The following SLC9C1 variants were observed in gnomAD, a reference collection of about 807,000 sequenced individuals.
SLC9C1 encodes solute carrier family 9 member C1, also known as sodium/hydrogen exchanger 10.
Under a neutral mutation model 140.9 loss-of-function variants are expected in SLC9C1, and 97 were observed. The ratio of observed to expected loss-of-function variants is 0.69; its 90% CI spans 0.58 to 0.82. The LOEUF is 0.82. SLC9C1 is among the 40% of genes least tolerant of loss of function. The probability of loss-of-function intolerance (pLI) is 0.00; values close to 1 mark genes in which losing one functional copy is unlikely to be tolerated. For synonymous variants in SLC9C1, 440 were observed against 442.6 expected, an observed-to-expected ratio of 0.99 and a Z score of 0.07; for missense variants, 1,340 against 1,389.3, an observed-to-expected ratio of 0.96 and a Z score of 0.56.
intron 12 of SLC9C1, among the ~76,000 whole-genome samples, chr3:112,238,523 G>A (rs1031375393): frequency 6.6e-5 from 10 of 152,204 alleles, no homozygotes; most frequent in African/African-American, 2.2e-4. Flanking sequence ...TTTGGAGGAG[G>A]AGAGGTGCTC....
intron 6 of SLC9C1, among the ~76,000 whole-genome samples, chr3:112,271,298 A>G (rs2080065464): frequency 6.6e-6 from 1 of 151,640 alleles, no homozygotes; most frequent in African/African-American, 2.4e-5. Context: ...TTGGTATTTC[A>G]AAATAACTAA....
intron 23 of SLC9C1, among the ~76,000 whole-genome samples, chr3:112,172,848 A>G (rs1560028616): frequency 6.6e-6 from 1 of 151,982 alleles, no homozygotes; most frequent in Non-Finnish European, 1.5e-5. Context: ...ACAATGGTTG[A>G]TTTTCAAATG....
chr3:112,185,594 T>C, intron 20 of SLC9C1: 2 of 1,603,862 alleles, frequency 1.2e-6, no homozygotes, highest in Admixed American at 3.4e-5. Flanking sequence ...GTCCCAGGGC[T>C]CGCCCGAAGC....
At chr3:112,288,076 A>C (rs1429893974) in intron 1 of SLC9C1, among the ~76,000 whole-genome samples, 3 of 151,324 alleles carry the variant, frequency 2.0e-5, no homozygotes, top group African/African-American at 7.3e-5. Flanking sequence ...GAAAAGGAAA[A>C]GAAATTACAA....
At chr3:112,253,116 A>G (rs1455344444) in intron 10 of SLC9C1, among the ~76,000 whole-genome samples, 1 of 152,158 alleles carries the variant, frequency 6.6e-6, no homozygotes, top group African/African-American at 2.4e-5. Flanking sequence ...TCTCCTCACT[A>G]AGCTTGGGCC....
In SLC9C1 at chr3:112,280,781, A is replaced by T. The variant is rs778972288; in HGVS notation, c.91T>A (p.Phe31Ile). 1 of 1,609,966 alleles carries T rather than the reference A, an allele frequency of 6.2e-7. No homozygotes were observed. Among genetic ancestry groups the T allele is most frequent in the Non-Finnish European group, 8.5e-7 (1 of 1,178,976 alleles). The change falls in exon 3 of 29, where the codon TTT becomes ATT. Residue 31 changes from phenylalanine to isoleucine, a missense_variant and splice_region_variant. Physicochemically the swap from Phe to Ile is conservative, Grantham distance 21. Coordinates refer to ENST00000305815, the MANE Select transcript of SLC9C1 (RefSeq NM_183061.3). ...AAGTCTTCCAAGTGCCGGTTCAAAA[A>T]TGCTGCAAAAAATATGTTGTTACTG... The part of the protein sequence containing the change: ...TLSLISSIGA[F>I]LNRHLEDFPI...
At chr3:112,229,772 A>G (rs2078773810) in intron 13 of SLC9C1, among the ~76,000 whole-genome samples, 1 of 152,108 alleles carries the variant, frequency 6.6e-6, no homozygotes, top group South Asian at 2.1e-4. Flanking sequence ...TTACTTAGAT[A>G]GAGAAACAAA....
Position 112,155,056 on chromosome 3 carries a change from A to G in SLC9C1, c.3365-7T>C. 2 of 1,066,536 alleles carry G rather than the reference A, an allele frequency of 1.9e-6. No homozygotes were observed. The highest frequency in any genetic ancestry group is 1.3e-6 in the Non-Finnish European group (1 of 796,632). The allele number at this position is 1,066,536 out of a possible 1,614,324, so 66.1% of individuals were successfully genotyped here. A position where few individuals can be genotyped will look rare whatever the true frequency, so the allele number is the denominator to read the frequency against. ...TCCAATGTTCCAACTGAACCTGATT[A>G]AAAAAAAAAAAAACAGTGTTAATTC... On this transcript the variant is annotated splice_region_variant and splice_polypyrimidine_tract_variant and intron_variant, in intron 26 of 28. Coordinates refer to ENST00000305815, the MANE Select transcript of SLC9C1 (RefSeq NM_183061.3).
intron 8 of SLC9C1, 124 bp from the exon 9 acceptor site, chr3:112,264,467 C>T (rs2079864182): frequency 2.3e-6 from 1 of 441,602 alleles, no homozygotes; most frequent in Non-Finnish European, 3.6e-6. Context: ...CATTTACAAA[C>T]AACTTTGACT....
rs543429832 is a variant in SLC9C1, at chr3:112,182,661, G to A, written c.2524-403C>T. 5.3e-5 allele frequency among the ~76,000 whole-genome samples: 8 copies of A among 152,164 alleles called. No homozygotes were observed. In the South Asian group the frequency reaches 1.0e-3, roughly 20 times the overall value. Reference sequence around the variant, plus strand: ...GCAGATGTGAAAAAAAAGTGTACAAGTCATAAATGTTCACTCAAAGAATAT... The same window carrying A: ...GCAGATGTGAAAAAAAAGTGTACAAATCATAAATGTTCACTCAAAGAATAT... On this transcript the variant is annotated intron_variant, in intron 20 of 28. Coordinates refer to ENST00000305815, the MANE Select transcript of SLC9C1 (RefSeq NM_183061.3).
At position 112,141,955 on chromosome 3, in the gene SLC9C1, CA is replaced by C. The variant is rs2074638549; in HGVS notation, c.3525-675del. 2.0e-5 allele frequency among the ~76,000 whole-genome samples: 3 copies of C among 152,152 alleles called. No homozygotes were observed. The South Asian group carries it at 6.2e-4, about 32-fold the overall frequency. On this transcript the variant is annotated intron_variant, in intron 28 of 28. Coordinates refer to ENST00000305815, the MANE Select transcript of SLC9C1 (RefSeq NM_183061.3). ...ACAACCAACCCTTTTAATGGTTGCACAATATTTCCTCATATGGATGTTCTGT... is the reference window on the plus strand; with the variant it reads ...ACAACCAACCCTTTTAATGGTTGCACATATTTCCTCATATGGATGTTCTGT...
At chr3:112,284,885 TAATATTTTAAATTACTAA>T (rs58172568) in intron 2 of SLC9C1, among the ~76,000 whole-genome samples, 31,997 of 151,140 alleles carry the variant, frequency 0.21, 3,852 homozygotes, top group Middle Eastern at 0.32. Flanking sequence ...TCAATGTTTC[TAATATTTTAAATTACTAA>T]AATATTTTAA....
chr3:112,281,428 A>G (rs1385695614), intron 2 of SLC9C1, among the ~76,000 whole-genome samples: 1 of 152,144 alleles, frequency 6.6e-6, no homozygotes, highest in African/African-American at 2.4e-5. Flanking sequence ...ATAATGGGGA[A>G]GCTCTTGGCA....
At chr3:112,218,945 A>G (rs1269989271) in intron 14 of SLC9C1, among the ~76,000 whole-genome samples, 1 of 152,238 alleles carries the variant, frequency 6.6e-6, no homozygotes, top group African/African-American at 2.4e-5. Context: ...TTTGAATCCC[A>G]ACTCTGTAAT....
At chr3:112,169,431 A>C (rs973558102) in intron 23 of SLC9C1, 103 bp from the exon 24 acceptor site, 1 of 1,099,382 alleles carries the variant, frequency 9.1e-7, no homozygotes, top group Non-Finnish European at 1.2e-6. Context: ...TAATTTAATT[A>C]GGTAAGATTC....
rs138304092 is a variant in SLC9C1 at position 112,230,199 on chromosome 3, T to C, written c.1572+1162A>G. 1.0e-3 allele frequency among the ~76,000 whole-genome samples: 153 copies of C among 152,258 alleles called. 3 individuals carry two copies. The East Asian group carries it at 0.013, about 13-fold the overall frequency. On this transcript the variant is annotated intron_variant, in intron 13 of 28. Transcript: ENST00000305815. The stretch of plus-strand genomic sequence containing the variant: ...CTCTATCCTGTTCCATTGTTTTATA[T>C]TGACTGACAATTTTTTCCTCTCATT...
At chr3:112,166,855 A>G (rs1347390666) in intron 26 of SLC9C1, among the ~76,000 whole-genome samples, 1 of 152,174 alleles carries the variant, frequency 6.6e-6, no homozygotes, top group Admixed American at 6.5e-5. Context: ...TAGGCTTTAT[A>G]TCAAAATTAT....
Position 112,264,323 on chromosome 3 carries a change from C to T in SLC9C1, c.899G>A (p.Arg300His), listed in dbSNP as rs201401597. Reference protein sequence around the residue: ...LLLEFWTFLSRIAFLMVFTFF... With the variant: ...LLLEFWTFLSHIAFLMVFTFF... ...AGTAAACACCATGAGAAAAGCAATA[C>T]GTGATAGAAAAGTCCAGAATCTGCA... The change falls in exon 9 of 29, where the codon CGT (arginine) becomes CAT (histidine). Residue 300 changes from arginine (R) to histidine (H), a missense_variant. Transcript: ENST00000305815. The T allele has an allele frequency of 1.8e-5, 27 of 1,460,658 alleles. No individual in the cohort carries two copies. The highest frequency in any genetic ancestry group is 1.7e-4 in the South Asian group (11 of 65,682). 90.5% of individuals were successfully genotyped at this position (1,460,658 alleles called of 1,614,324 possible). A position where few individuals can be genotyped will look rare whatever the true frequency, so the allele number is the denominator to read the frequency against.
chr3:112,273,806 C>A (rs191659717), intron 6 of SLC9C1, among the ~76,000 whole-genome samples: 1 of 152,030 alleles, frequency 6.6e-6, no homozygotes, highest in Non-Finnish European at 1.5e-5. Flanking sequence ...GTAGAAGAAT[C>A]CCACTGCAGC....
Sources: allele counts gnomAD v4.1 joint callset (sites outside exome capture counted in the v4.1 genomes callset), GRCh38; gene constraint gnomAD v4.1.1; transcripts MANE v1.5; gene names NCBI Gene and HGNC (gene_info 2026-07-23, HGNC 2026-07-21).